NDUFAF3: variants seen among roughly 807,000 people sequenced by gnomAD.
The protein encoded by NDUFAF3 is NADH:ubiquinone oxidoreductase complex assembly factor 3, also known as NADH dehydrogenase [ubiquinone] 1 alpha subcomplex assembly factor 3.
A neutral mutation model predicts 22.6 loss-of-function variants in NDUFAF3; 21 were observed. The ratio of observed to expected loss-of-function variants is 0.93; its 90% confidence interval spans 0.66 to 1.34. NDUFAF3 has a LOEUF of 1.34. Among genes scored for constraint, NDUFAF3 ranks in the 40% most tolerant of loss-of-function variants. The pLI is 0.00. For missense variants in NDUFAF3, 251 were observed against 248.4 expected (o/e 1.01, Z -0.07); for synonymous variants, 113 against 104.9 (o/e 1.08, Z -0.47).
chr3:49,023,006 G>A, intron 4 of NDUFAF3, 30 bp downstream of exon 4: 2 of 1,613,868 alleles, frequency 1.2e-6, no homozygotes, highest in Non-Finnish European at 1.7e-6. Flanking sequence ...CATGCTGCGG[G>A]GAGCACAGGC....
chr3:49,022,035 C>T, upstream of NDUFAF3: 1 of 1,178,650 alleles, frequency 8.5e-7, no homozygotes, highest in Non-Finnish European at 1.2e-6. The surrounding 1 kb of genome is among the most constrained non-coding windows in gnomAD (Gnocchi z 6.6). Flanking sequence ...CTGTGCGGTG[C>T]CCTCCGGGAC....
chr3:49,022,232 A>G lies in NDUFAF3; in HGVS notation c.77+11A>G, dbSNP rs770067025. Reference sequence around the variant, plus strand: ...CGTTGAGCTTCCCTGGTGAGCTTGGACCCCGCGCCCTCGACCATCCAGCCC... The same window carrying G: ...CGTTGAGCTTCCCTGGTGAGCTTGGGCCCCGCGCCCTCGACCATCCAGCCC... On this transcript the variant is annotated intron_variant, in intron 1 of 4. Transcript: ENST00000326925. The surrounding 1 kb of genome is among the most constrained non-coding windows in gnomAD (Gnocchi z 6.6). The G allele has an allele frequency of 1.9e-5, 31 of 1,609,800 alleles. No individual in the cohort carries two copies. The highest frequency in any genetic ancestry group is 2.3e-5 in the Non-Finnish European group (27 of 1,179,494).
At position 49,022,440 on chromosome 3, in the gene NDUFAF3, A is replaced by G. The variant is rs2093169103; in HGVS notation, c.172A>G (p.Met58Val). Reference protein sequence around the residue: ...SLLQREAAQAMYIDSYNSRGF... With the variant: ...SLLQREAAQAVYIDSYNSRGF... The stretch of plus-strand genomic sequence containing the variant: ...GCTGCAACGCGAGGCCGCTCAGGCA[A>G]TGTACATCGACAGCTACAACAGCCG... The change falls in exon 2 of 5, where the codon ATG (methionine) becomes GTG (valine). Residue 58 changes from methionine to valine, a missense_variant. Transcript: ENST00000326925. This position sits in a 1 kb window ranked among gnomAD's most constrained non-coding sequence, Gnocchi z 6.6. 2 of 1,612,914 alleles carry G rather than the reference A, an allele frequency of 1.2e-6. No individual in the cohort carries two copies. Among genetic ancestry groups the G allele is most frequent in the African/African-American group, 1.3e-5 (1 of 74,926 alleles).
At chr3:49,020,658 T>A (rs746899790), upstream of NDUFAF3, 1 of 492,776 alleles carries the variant, frequency 2.0e-6, no homozygotes, top group African/African-American at 2.0e-5. Context: ...GCAGCTGGAA[T>A]GCTCTGGAGA....
Position 49,022,387 on chromosome 3 carries a change from A to G in NDUFAF3, c.119A>G (p.Glu40Gly), listed in dbSNP as rs772236113. The change falls in exon 2 of 5, where the codon GAG (glutamate) becomes GGG (glycine). Residue 40 changes from glutamate to glycine, a missense_variant. Physicochemically the swap from Glu to Gly is moderately conservative, Grantham distance 98. Transcript: ENST00000326925. The surrounding 1 kb of genome is among the most constrained non-coding windows in gnomAD (Gnocchi z 6.6). ...RGHRLSPADD[E>G]LYQRTRISLL... ...CATCGGCTCTCGCCGGCGGATGACGAGCTGTATCAGCGGACGCGCATCTCT... is the reference window on the plus strand; with the variant it reads ...CATCGGCTCTCGCCGGCGGATGACGGGCTGTATCAGCGGACGCGCATCTCT... 5 of 1,612,752 alleles carry G rather than the reference A, an allele frequency of 3.1e-6. No homozygotes were observed. In the East Asian group the frequency reaches 1.1e-4, roughly 36 times the overall value.
upstream of NDUFAF3, chr3:49,021,645 A>C: frequency 6.0e-6 from 1 of 165,868 alleles, no homozygotes; most frequent in East Asian, 1.9e-4. This position sits in a 1 kb window ranked among gnomAD's most constrained non-coding sequence, Gnocchi z 4.1. Flanking sequence ...GGTGACGGTT[A>C]GGGCGGGGCG....
chr3:49,022,003 C>T, upstream of NDUFAF3: 1 of 868,138 alleles, frequency 1.2e-6, no homozygotes, highest in Non-Finnish European at 1.8e-6. This position sits in a 1 kb window ranked among gnomAD's most constrained non-coding sequence, Gnocchi z 6.6. Flanking sequence ...ACTGAGGACA[C>T]TCGCCTGCTG....
At position 49,022,517 on chromosome 3, in the gene NDUFAF3, G is replaced by T. The variant is rs762600554; in HGVS notation, c.249G>T (p.Pro83=). The T allele has an allele frequency of 6.2e-7, 1 of 1,613,178 alleles. No homozygotes were observed. Among genetic ancestry groups the T allele is most frequent in the Non-Finnish European group, 8.5e-7 (1 of 1,179,910 alleles). The change falls in exon 2 of 5, where the codon CCG becomes CCT. Residue 83 remains proline, a synonymous_variant. Transcript: ENST00000326925. The surrounding 1 kb of genome is among the most constrained non-coding windows in gnomAD (Gnocchi z 6.6). ...NRVLGPCALL[P]HSVVQWNVGS... ...TGCTCGGCCCCTGCGCTCTGCTCCCGCACTCGGTGGTGCAGTGGAACGTGA... is the reference window on the plus strand; with the variant it reads ...TGCTCGGCCCCTGCGCTCTGCTCCCTCACTCGGTGGTGCAGTGGAACGTGA...
At position 49,022,914 on chromosome 3, in the gene NDUFAF3, C is replaced by T; in HGVS notation, c.376C>T (p.Leu126=). The T allele has an allele frequency of 6.2e-7, 1 of 1,614,022 alleles. No individual in the cohort carries two copies. The highest frequency in any genetic ancestry group is 8.5e-7 in the Non-Finnish European group (1 of 1,180,036). Residue 126 remains leucine, a synonymous_variant, in exon 4 of 5, where the codon CTG becomes TTG. Transcript: ENST00000326925. The surrounding 1 kb of genome is among the most constrained non-coding windows in gnomAD (Gnocchi z 6.6). ...GGGGACTGGAGACCGGACCGAGAGG[C>T]TGCAGTCCCAGGTGCTTCAAGCCAT... The part of the protein sequence containing the change: ...VVGTGDRTER[L]QSQVLQAMRQ...
At position 49,022,724 on chromosome 3, in the gene NDUFAF3, C is replaced by A; in HGVS notation, c.293C>A (p.Thr98Asn). The change falls in exon 3 of 5, where the codon ACC becomes AAC. Residue 98 changes from threonine to asparagine, a missense_variant. Thr to Asn is a moderately conservative substitution (Grantham distance 65). Transcript: ENST00000326925. The surrounding 1 kb of genome is among the most constrained non-coding windows in gnomAD (Gnocchi z 6.6). The part of the protein sequence containing the change: ...QWNVGSHQDI[T>N]EDSFSLFWLL... ...CAGGTGGGATCCCACCAGGACATCA[C>A]CGAAGACAGCTTTTCCCTCTTCTGG... 1 of 1,614,104 alleles carries A rather than the reference C, an allele frequency of 6.2e-7. No homozygotes were observed. Among genetic ancestry groups the A allele is most frequent in the Non-Finnish European group, 8.5e-7 (1 of 1,180,038 alleles).
Position 49,023,453 on chromosome 3 carries a change from C to A in NDUFAF3, c.*281C>A. 1 of 483,078 alleles carries A rather than the reference C, an allele frequency of 2.1e-6. No individual in the cohort carries two copies. 29.9% of individuals were successfully genotyped at this position (483,078 alleles called of 1,614,324 possible). A position where few individuals can be genotyped will look rare whatever the true frequency, so the allele number is the denominator to read the frequency against. On this transcript the variant is annotated 3_prime_UTR_variant, in exon 5 of 5. Transcript: ENST00000326925. ...TTTGCCTGTTGTAGACCTACTTGCT[C>A]ACATGCAGATTTGAGAGGACCTCAA... is the stretch of plus-strand genomic sequence containing the variant.
chr3:49,023,047 T>A lies in NDUFAF3; in HGVS notation c.439-9T>A. The A allele has an allele frequency of 6.2e-7, 1 of 1,614,098 alleles. No homozygotes were observed. On this transcript the variant is annotated splice_polypyrimidine_tract_variant and intron_variant, in intron 4 of 4. Transcript: ENST00000326925. ...GCTAGACAGGCTGATGCTGGCCTTT[T>A]CTTTGCAGCCCAATGCCTGTGCCAC... is the stretch of plus-strand genomic sequence containing the variant.
chr3:49,023,288 A>C lies in NDUFAF3; in HGVS notation c.*116A>C. 3 of 882,194 alleles carry C rather than the reference A, an allele frequency of 3.4e-6. No homozygotes were observed. Among genetic ancestry groups the C allele is most frequent in the Non-Finnish European group, 5.8e-6 (3 of 520,048 alleles). The allele number at this position is 882,194 out of a possible 1,614,324, so 54.6% of individuals were successfully genotyped here. Reference sequence around the variant, plus strand: ...ACATAATAATTTATACACTTCTCCCATTTTGTATCAGGTGTGTTGCTGGCC... The same window carrying C: ...ACATAATAATTTATACACTTCTCCCCTTTTGTATCAGGTGTGTTGCTGGCC... On this transcript the variant is annotated 3_prime_UTR_variant, in exon 5 of 5. Transcript: ENST00000326925.
rs771016830 is a variant in NDUFAF3 at position 49,022,330 on chromosome 3, C to A, written c.78-16C>A. On this transcript the variant is annotated splice_polypyrimidine_tract_variant and intron_variant, in intron 1 of 4. Coordinates refer to ENST00000326925, the MANE Select transcript of NDUFAF3 (RefSeq NM_199069.2). The surrounding 1 kb of genome is among the most constrained non-coding windows in gnomAD (Gnocchi z 6.6). ...GCCCGGCCCGGCCCCGCGCCCCTGA[C>A]CCTTTCCCTCCGCAGGGCCCCGCGG... 1 of 1,610,616 alleles carries A rather than the reference C, an allele frequency of 6.2e-7. No individual in the cohort carries two copies. The highest frequency in any genetic ancestry group is 2.2e-5 in the East Asian group (1 of 44,852).
rs1468909521 is a variant in NDUFAF3, at chr3:49,022,435, A to T, written c.167A>T (p.Gln56Leu). 3.7e-6 allele frequency: 6 copies of T among 1,613,054 alleles called. No individual in the cohort carries two copies. Among genetic ancestry groups the T allele is most frequent in the Middle Eastern group, 1.6e-4 (1 of 6,062 alleles). The change falls in exon 2 of 5, where the codon CAG becomes CTG. Residue 56 changes from glutamine to leucine, a missense_variant. Gln to Leu is a moderately radical substitution (Grantham distance 113). Transcript: ENST00000326925. This position sits in a 1 kb window ranked among gnomAD's most constrained non-coding sequence, Gnocchi z 6.6. ...TCTCTGCTGCAACGCGAGGCCGCTC[A>T]GGCAATGTACATCGACAGCTACAAC... ...RISLLQREAA[Q>L]AMYIDSYNSR...
chr3:49,023,305 T>A lies in NDUFAF3; in HGVS notation c.*133T>A, dbSNP rs994883252. 1.2e-6 allele frequency: 1 copy of A among 819,644 alleles called. No homozygotes were observed. Among genetic ancestry groups the A allele is most frequent in the African/African-American group, 1.7e-5 (1 of 59,686 alleles). The allele number at this position is 819,644 out of a possible 1,614,324, so 50.8% of individuals were successfully genotyped here. A position where few individuals can be genotyped will look rare whatever the true frequency, so the allele number is the denominator to read the frequency against. ...CTTCTCCCATTTTGTATCAGGTGTGTTGCTGGCCAGGAGCTGATGGCTCAC... is the reference window on the plus strand; with the variant it reads ...CTTCTCCCATTTTGTATCAGGTGTGATGCTGGCCAGGAGCTGATGGCTCAC... On this transcript the variant is annotated 3_prime_UTR_variant, in exon 5 of 5. Coordinates refer to ENST00000326925, the MANE Select transcript of NDUFAF3 (RefSeq NM_199069.2).
chr3:49,022,591 C>T lies in NDUFAF3; in HGVS notation c.270+53C>T. ...TGAGGCCCAGAGTCACAGGCCCTCA[C>T]CCTGCTTGGTCCCTGCAAACTTGGC... On this transcript the variant is annotated intron_variant, in intron 2 of 4. Transcript: ENST00000326925. This position sits in a 1 kb window ranked among gnomAD's most constrained non-coding sequence, Gnocchi z 6.6. 2 of 1,613,136 alleles carry T rather than the reference C, an allele frequency of 1.2e-6. No homozygotes were observed. Among genetic ancestry groups the T allele is most frequent in the Non-Finnish European group, 8.5e-7 (1 of 1,179,498 alleles).
chr3:49,023,301 TGTGTTG>T lies in NDUFAF3; in HGVS notation c.*130_*135del. 1 of 835,422 alleles carries T rather than the reference TGTGTTG, an allele frequency of 1.2e-6. No homozygotes were observed. Among genetic ancestry groups the T allele is most frequent in the Non-Finnish European group, 2.1e-6 (1 of 482,794 alleles). The allele number at this position is 835,422 out of a possible 1,614,324, so 51.8% of individuals were successfully genotyped here. ...TACACTTCTCCCATTTTGTATCAGGTGTGTTGCTGGCCAGGAGCTGATGGCTCACTG... is the reference window on the plus strand; with the variant it reads ...TACACTTCTCCCATTTTGTATCAGGTCTGGCCAGGAGCTGATGGCTCACTG... On this transcript the variant is annotated 3_prime_UTR_variant, in exon 5 of 5. Transcript: ENST00000326925.
At chr3:49,023,012 C>T in intron 4 of NDUFAF3, 36 bp downstream of exon 4, 2 of 1,613,650 alleles carry the variant, frequency 1.2e-6, no homozygotes, top group Non-Finnish European at 1.7e-6. Flanking sequence ...GCGGGGAGCA[C>T]AGGCCTGGCG....
Sources: gnomAD v4.1 joint callset for allele counts on GRCh38, gnomAD v4.1.1 for gene constraint, Gnocchi (gnomAD v3.1) non-coding constraint, MANE v1.5 for transcripts, NCBI Gene and HGNC (gene_info 2026-07-23, HGNC 2026-07-21) for gene names.